The following CFTR variants were observed in gnomAD, a reference collection of about 807,000 sequenced individuals.
The protein encoded by CFTR is cystic fibrosis transmembrane conductance regulator.
A neutral mutation model predicts 171.6 loss-of-function variants in CFTR; 181 were observed. The observed-to-expected ratio is 1.05, with a 90% CI of 0.93 to 1.19. The LOEUF is 1.19. Ranked by LOEUF, CFTR falls within the 50% of genes most tolerant of loss-of-function variation. CFTR has a pLI of 0.00. For missense variants in CFTR, 1,968 were observed against 1,734.7 expected (o/e 1.13, Z -2.39); for synonymous variants, 583 against 608.0 (o/e 0.96, Z 0.60).
intron 1 of CFTR, among the ~76,000 whole-genome samples, chr7:117,501,561 C>T (rs1010259131): frequency 6.6e-6 from 1 of 151,570 alleles, no homozygotes; most frequent in East Asian, 1.9e-4. Flanking sequence ...ACCTGACCAA[C>T]ATGGAGAAAC....
chr7:117,642,035 G>A (rs893316900), intron 22 of CFTR, among the ~76,000 whole-genome samples: 33 of 152,260 alleles, frequency 2.2e-4, no homozygotes, highest in African/African-American at 7.5e-4. Context: ...TTTTTAAGTC[G>A]TATCCACTTT....
At chr7:117,575,903 G>T (rs1791763099) in intron 11 of CFTR, among the ~76,000 whole-genome samples, 1 of 152,012 alleles carries the variant, frequency 6.6e-6, no homozygotes, top group Non-Finnish European at 1.5e-5. Context: ...ATCTTTTGTT[G>T]TAGAGAGTTT....
intron 23 of CFTR, among the ~76,000 whole-genome samples, chr7:117,649,932 G>GA (rs1454845314): frequency 6.6e-6 from 1 of 152,090 alleles, no homozygotes; most frequent in Non-Finnish European, 1.5e-5. Context: ...TTGGCCATGG[G>GA]AAGAAGGTAG....
chr7:117,521,259 T>A (rs1218937742), intron 3 of CFTR, among the ~76,000 whole-genome samples: 1 of 152,024 alleles, frequency 6.6e-6, no homozygotes, highest in Non-Finnish European at 1.5e-5. Context: ...TGATAATACT[T>A]CTTGCTTCTT....
intron 21 of CFTR, among the ~76,000 whole-genome samples, chr7:117,617,135 T>C (rs545581318): frequency 2.0e-5 from 3 of 152,312 alleles, no homozygotes; most frequent in Admixed American, 6.5e-5. Flanking sequence ...AAACAAGGTG[T>C]TTAGTTTGAT....
At chr7:117,610,695 A>G in intron 19 of CFTR, 26 bp downstream of exon 19, 1 of 1,611,294 alleles carries the variant, frequency 6.2e-7, no homozygotes, top group East Asian at 2.2e-5. Flanking sequence ...TGCGATACTC[A>G]TCTTGTAAAA....
intron 6 of CFTR, among the ~76,000 whole-genome samples, chr7:117,536,006 T>G (rs1340352061): frequency 6.6e-6 from 1 of 152,208 alleles, no homozygotes; most frequent in African/African-American, 2.4e-5. Context: ...GAATACCTAA[T>G]TTTTGTGTAG....
At chr7:117,554,797 G>A (rs1799324304) in intron 10 of CFTR, among the ~76,000 whole-genome samples, 1 of 152,188 alleles carries the variant, frequency 6.6e-6, no homozygotes, top group African/African-American at 2.4e-5. Context: ...CATCAAGTAA[G>A]ATGAAACTGT....
intron 1 of CFTR, among the ~76,000 whole-genome samples, chr7:117,485,319 T>A (rs991074770): frequency 2.6e-5 from 4 of 152,210 alleles, no homozygotes; most frequent in African/African-American, 7.2e-5. Flanking sequence ...ATTTTGATCC[T>A]GAGGCATCTG....
chr7:117,501,772 G>GAAAAAAAAAAAAAAAAAAAA (rs1798332750), intron 1 of CFTR, among the ~76,000 whole-genome samples: 1 of 73,586 alleles, frequency 1.4e-5, no homozygotes, highest in Non-Finnish European at 2.9e-5. Context: ...AAAAAAAAAA[G>GAAAAAAAAAAAAAAAAAAAA]AAACAAAAAA....
At chr7:117,593,439 T>G (rs1429423986) in intron 14 of CFTR, among the ~76,000 whole-genome samples, 1 of 152,200 alleles carries the variant, frequency 6.6e-6, no homozygotes, top group Non-Finnish European at 1.5e-5. Context: ...ATATGACCTT[T>G]GACAAGACAC....
At chr7:117,543,536 C>T (rs1202186748) in intron 9 of CFTR, among the ~76,000 whole-genome samples, 2 of 152,034 alleles carry the variant, frequency 1.3e-5, no homozygotes, top group African/African-American at 2.4e-5. Flanking sequence ...ATGTTTTGTC[C>T]CAATTAATTC....
Position 117,542,069 on chromosome 7 carries a change from A to G in CFTR, c.1170A>G (p.Thr390=). 1 of 1,603,500 alleles carries G rather than the reference A, an allele frequency of 6.2e-7. No individual in the cohort carries two copies. Among genetic ancestry groups the G allele is most frequent in the Non-Finnish European group, 8.5e-7 (1 of 1,170,448 alleles). Residue 390 remains threonine (T), a synonymous_variant, in exon 9 of 27, where the codon ACA becomes ACG. Transcript: ENST00000003084. The part of the protein sequence containing the change: ...YKTLEYNLTT[T]EVVMENVTAF... ...CATTGGAATATAACTTAACGACTAC[A>G]GAAGTAGTGATGGAGAATGTAACAG... is the stretch of plus-strand genomic sequence containing the variant.
intron 14 of CFTR, among the ~76,000 whole-genome samples, chr7:117,592,890 T>G (rs143192961): frequency 1.2e-4 from 18 of 152,316 alleles, no homozygotes; most frequent in East Asian, 5.8e-4. Flanking sequence ...AGGATTTAGT[T>G]TTTGGTCCTC....
intron 25 of CFTR, 113 bp downstream of exon 25, chr7:117,664,973 C>T: frequency 8.9e-7 from 1 of 1,129,552 alleles, no homozygotes; most frequent in Non-Finnish European, 1.3e-6. Flanking sequence ...TGGGGGTCTC[C>T]CCCAAGATAT....
At chr7:117,551,411 C>T (rs1359798625) in intron 10 of CFTR, among the ~76,000 whole-genome samples, 1 of 152,100 alleles carries the variant, frequency 6.6e-6, no homozygotes, top group African/African-American at 2.4e-5. Flanking sequence ...ATAAATTTAT[C>T]AAGTTGTTAT....
chr7:117,566,429 T>C (rs1791603269), intron 11 of CFTR, among the ~76,000 whole-genome samples: 2 of 152,054 alleles, frequency 1.3e-5, no homozygotes. Flanking sequence ...AGTGAGACTC[T>C]GTCTCAAAAA....
intron 22 of CFTR, among the ~76,000 whole-genome samples, chr7:117,636,485 T>C (rs954569540): frequency 5.9e-5 from 9 of 152,236 alleles, no homozygotes; most frequent in Non-Finnish European, 8.8e-5. Context: ...TTTCTTCTGT[T>C]CTTTTTTTTC....
intron 2 of CFTR, 142 bp from the exon 3 acceptor site, chr7:117,508,892 G>C (rs147393877): frequency 1.5e-6 from 1 of 678,322 alleles, no homozygotes; most frequent in East Asian, 2.6e-5. Flanking sequence ...GTGTTGTATG[G>C]TCTCCATGAG....
Sources: gnomAD v4.1 joint callset for allele counts (sites outside exome capture counted in the v4.1 genomes callset) on GRCh38, gnomAD v4.1.1 for gene constraint, MANE v1.5 for transcripts, NCBI Gene and HGNC (gene_info 2026-07-23, HGNC 2026-07-21) for gene names.